Variants in CDH4 observed in about 807,000 individuals in gnomAD.
The protein encoded by CDH4 is cadherin-4.
In CDH4, 33 loss-of-function variants were observed where a neutral mutation model predicts 86.0. The ratio of observed to expected loss-of-function variants is 0.38; its 90% CI spans 0.29 to 0.51. The LOEUF (loss-of-function observed/expected upper bound fraction) is 0.51. CDH4 is among the 20% of genes least tolerant of loss of function. The pLI, the probability that CDH4 is intolerant of heterozygous loss-of-function variation, is 0.86. For missense variants in CDH4, 1,114 were observed against 1,307.4 expected, an observed-to-expected ratio of 0.85 and a Z score of 2.28; for synonymous variants, 555 against 549.4, an observed-to-expected ratio of 1.01 and a Z score of -0.14.
intron 2 of CDH4, among the ~76,000 whole-genome samples, chr20:61,667,470 C>T (rs1483150755): frequency 1.3e-5 from 2 of 152,362 alleles, no homozygotes; most frequent in Non-Finnish European, 2.9e-5. Flanking sequence ...GACTCAAAGG[C>T]GGATCTTTCC....
At chr20:61,719,105 C>T (rs140312993) in intron 2 of CDH4, 360 of 471,142 alleles carry the variant, frequency 7.6e-4, no homozygotes, top group African/African-American at 6.4e-3. Flanking sequence ...AATCGTATCC[C>T]AGCCTCTTCA....
At chr20:61,536,086 G>GGCC (rs915500521) in intron 2 of CDH4, among the ~76,000 whole-genome samples, 4 of 152,144 alleles carry the variant, frequency 2.6e-5, no homozygotes, top group Non-Finnish European at 5.9e-5. Flanking sequence ...CCATGGGAAT[G>GGCC]GCCCAGTGAG....
Position 61,721,870 on chromosome 20 carries a change from G to A in CDH4, c.170-21693G>A, listed in dbSNP as rs187052121. On this transcript the variant is annotated intron_variant, in intron 2 of 15. Coordinates refer to ENST00000614565, the MANE Select transcript of CDH4 (RefSeq NM_001794.5). The stretch of plus-strand genomic sequence containing the variant: ...GACAAATTCCTGCAGGACCCGGCCC[G>A]CTGTGTGGCATCCCTTCCCTGGCTG... Among the ~76,000 whole-genome samples, 410 of 152,272 alleles carry A rather than the reference G, an allele frequency of 2.7e-3. 2 individuals carry two copies. Among genetic ancestry groups the A allele is most frequent in the African/African-American group, 9.2e-3 (382 of 41,560 alleles).
chr20:61,662,797 G>A (rs1026704797), intron 2 of CDH4, among the ~76,000 whole-genome samples: 3 of 152,168 alleles, frequency 2.0e-5, no homozygotes, highest in East Asian at 1.9e-4. Context: ...GGGAGGTACC[G>A]TTTCCTGCAG....
intron 7 of CDH4, among the ~76,000 whole-genome samples, chr20:61,892,645 T>G (rs1238001942): frequency 3.3e-5 from 5 of 152,220 alleles, no homozygotes; most frequent in African/African-American, 9.6e-5. Context: ...TGTTGAGGGT[T>G]TGGATGTATG....
intron 2 of CDH4, among the ~76,000 whole-genome samples, chr20:61,696,467 C>T (rs1305305764): frequency 6.6e-6 from 1 of 152,196 alleles, no homozygotes; most frequent in Non-Finnish European, 1.5e-5. Flanking sequence ...GGCTGAGCGC[C>T]AGCTGTGTAC....
In CDH4 at chr20:61,938,579, A is replaced by G. The variant is rs1385644846; in HGVS notation, c.*1636A>G. 13 of 152,196 alleles carry G rather than the reference A, an allele frequency of 8.5e-5. No homozygotes were observed. Among genetic ancestry groups the G allele is most frequent in the Admixed American group, 8.5e-4 (13 of 15,274 alleles). 9.4% of individuals were successfully genotyped at this position (152,196 alleles called of 1,614,324 possible). The stretch of plus-strand genomic sequence containing the variant: ...AGGGCGGTGCCAGCACTGGGGAAGG[A>G]CAGGGAGCCCTCCCGGAGCCCCACC... On this transcript the variant is annotated 3_prime_UTR_variant, in exon 16 of 16. Coordinates refer to ENST00000614565, the MANE Select transcript of CDH4 (RefSeq NM_001794.5).
At position 61,703,113 on chromosome 20, in the gene CDH4, A is replaced by G. The variant is rs1171470734; in HGVS notation, c.170-40450A>G. On this transcript the variant is annotated intron_variant, in intron 2 of 15. Coordinates refer to ENST00000614565, the MANE Select transcript of CDH4 (RefSeq NM_001794.5). This position sits in a 1 kb window ranked among gnomAD's most constrained non-coding sequence, Gnocchi z 4.3. ...GGCTGAATTTACACTCTGGTGGGGC[A>G]GGGGGCCACGGGATGTTAGAAATGC... Among the ~76,000 whole-genome samples the G allele has an allele frequency of 6.6e-6, 1 of 152,206 alleles. No homozygotes were observed. Among genetic ancestry groups the G allele is most frequent in the Non-Finnish European group, 1.5e-5 (1 of 68,034 alleles).
chr20:61,805,207 C>T (rs1434756856), intron 4 of CDH4, among the ~76,000 whole-genome samples: 1 of 152,210 alleles, frequency 6.6e-6, no homozygotes, highest in African/African-American at 2.4e-5. Context: ...CTTGACCCAG[C>T]CCCCCATCCC....
At chr20:61,772,065 G>A (rs1316582589) in intron 3 of CDH4, among the ~76,000 whole-genome samples, 3 of 152,234 alleles carry the variant, frequency 2.0e-5, no homozygotes, top group Non-Finnish European at 4.4e-5. Flanking sequence ...TGGGCCCTAT[G>A]CTAAGCATGG....
chr20:61,359,900 A>G (rs992750117), intron 2 of CDH4, among the ~76,000 whole-genome samples: 16 of 152,248 alleles, frequency 1.1e-4, no homozygotes, highest in Non-Finnish European at 8.8e-5. Context: ...GCAACAGATG[A>G]AACAAATCTT....
chr20:61,747,066 G>A (rs896608437), intron 3 of CDH4, among the ~76,000 whole-genome samples: 4 of 152,280 alleles, frequency 2.6e-5, no homozygotes, highest in East Asian at 1.9e-4. Flanking sequence ...CATATTCAAC[G>A]TCCAGCACTC....
chr20:61,683,152 T>C (rs1013522641), intron 2 of CDH4, among the ~76,000 whole-genome samples: 3 of 152,142 alleles, frequency 2.0e-5, no homozygotes, highest in Admixed American at 6.5e-5. Context: ...TGGGAGTTTA[T>C]AGGCTGTGTG....
intron 3 of CDH4, among the ~76,000 whole-genome samples, chr20:61,749,250 GAAGTAACTATGCAA>G (rs2088457375): frequency 6.6e-6 from 1 of 152,106 alleles, no homozygotes; most frequent in South Asian, 2.1e-4. Flanking sequence ...AATAAAAGGA[GAAGTAACTATGCAA>G]TCAGTGGTCA....
intron 15 of CDH4, among the ~76,000 whole-genome samples, chr20:61,935,400 G>T (rs1442133556): frequency 6.6e-6 from 1 of 152,212 alleles, no homozygotes; most frequent in African/African-American, 2.4e-5. Context: ...TACCGTCTAT[G>T]ACATAATAAA....
intron 2 of CDH4, among the ~76,000 whole-genome samples, chr20:61,698,104 G>A (rs1387231678): frequency 6.6e-6 from 1 of 152,230 alleles, no homozygotes; most frequent in African/African-American, 2.4e-5. Context: ...TTAGCCGCAC[G>A]TTGCTGGACA....
chr20:61,461,239 TCAGCAAGAAAGA>T (rs1379228701), intron 2 of CDH4, among the ~76,000 whole-genome samples: 2 of 152,098 alleles, frequency 1.3e-5, no homozygotes, highest in East Asian at 1.9e-4. Context: ...TTCAGGTGCA[TCAGCAAGAAAGA>T]CAGCAAGGAA....
In CDH4 at chr20:61,829,239, T is replaced by C. The variant is rs1033242393; in HGVS notation, c.577-15429T>C. 1.3e-5 allele frequency among the ~76,000 whole-genome samples: 2 copies of C among 152,230 alleles called. No homozygotes were observed. Among genetic ancestry groups the C allele is most frequent in the African/African-American group, 2.4e-5 (1 of 41,464 alleles). ...GGATTTGCCTGTCCTGCATACTTTG[T>C]GTCAATGGAAGGAGGTATTATGTGG... On this transcript the variant is annotated intron_variant, in intron 4 of 15. Transcript: ENST00000614565. This position sits in a 1 kb window ranked among gnomAD's most constrained non-coding sequence, Gnocchi z 4.2.
chr20:61,321,302 G>A (rs1438694617), intron 2 of CDH4, among the ~76,000 whole-genome samples: 1 of 152,240 alleles, frequency 6.6e-6, no homozygotes, highest in Non-Finnish European at 1.5e-5. Flanking sequence ...TTCACCTTAG[G>A]AGGGCAGAGG....
Sources: allele counts gnomAD v4.1 joint callset (sites outside exome capture counted in the v4.1 genomes callset), GRCh38; gene constraint gnomAD v4.1.1; non-coding constraint Gnocchi (gnomAD v3.1); transcripts MANE v1.5; gene names NCBI Gene and HGNC (gene_info 2026-07-23, HGNC 2026-07-21).